BCAR3: variants seen among roughly 807,000 people sequenced by gnomAD.
The protein encoded by BCAR3 is breast cancer anti-estrogen resistance protein 3.
BCAR3 carries 37 observed loss-of-function variants against 80.1 expected under a neutral mutation model. The observed-to-expected ratio is 0.46, with a 90% confidence interval of 0.36 to 0.61. The LOEUF (loss-of-function observed/expected upper bound fraction) is 0.61, where lower values mean the gene tolerates loss of function less well. Ranked by LOEUF, BCAR3 falls within the 20% of genes least tolerant of loss-of-function variation. The pLI is 0.00. For missense variants in BCAR3, 978 were observed against 1,068.2 expected (o/e 0.92, Z 1.18); for synonymous variants, 389 against 418.9 (o/e 0.93, Z 0.87).
intron 2 of BCAR3, among the ~76,000 whole-genome samples, chr1:93,786,192 C>CAAAAAAAAAAAAAAAAAAAA (rs61644309): frequency 4.3e-5 from 1 of 23,248 alleles, no homozygotes; most frequent in Non-Finnish European, 7.1e-5. Flanking sequence ...GACTCCGTCT[C>CAAAAAAAAAAAAAAAAAAAA]AAAAAAAAAA....
At chr1:93,759,365 G>A (rs1470286862) in intron 2 of BCAR3, among the ~76,000 whole-genome samples, 2 of 152,182 alleles carry the variant, frequency 1.3e-5, no homozygotes, top group Non-Finnish European at 2.9e-5. Flanking sequence ...AAGGGTAACT[G>A]CAGCACCACA....
At chr1:93,765,598 C>T (rs1432015606) in intron 2 of BCAR3, among the ~76,000 whole-genome samples, 3 of 152,228 alleles carry the variant, frequency 2.0e-5, no homozygotes, top group South Asian at 2.1e-4. Context: ...TTTCCTCCCA[C>T]TCCCTTTATT....
intron 2 of BCAR3, among the ~76,000 whole-genome samples, chr1:93,832,546 C>T (rs972552706): frequency 1.3e-5 from 2 of 152,168 alleles, no homozygotes; most frequent in Non-Finnish European, 2.9e-5. Context: ...ACTGCCCAAT[C>T]ACCTCGGAAG....
At position 93,823,067 on chromosome 1, in the gene BCAR3, G is replaced by C. The variant is rs901591270; in HGVS notation, c.-63+22500C>G. On this transcript the variant is annotated intron_variant, in intron 2 of 13. Coordinates refer to the BCAR3 transcript ENST00000370244. The stretch of plus-strand genomic sequence containing the variant: ...AGGGAGGAGTGTCTCTCCTCCTGCT[G>C]AGTGCTGTGGTATCTGGATGCAGTA... Among the ~76,000 whole-genome samples, 4 of 133,190 alleles carry C rather than the reference G, an allele frequency of 3.0e-5. 1 individual carries two copies. The highest frequency in any genetic ancestry group is 1.0e-4 in the African/African-American group (4 of 39,642). 87.4% of individuals were successfully genotyped at this position (133,190 alleles called of 152,430 possible). A position where few individuals can be genotyped will look rare whatever the true frequency, so the allele number is the denominator to read the frequency against.
At chr1:93,678,298 A>C (rs918763694) in intron 1 of BCAR3, among the ~76,000 whole-genome samples, 5 of 152,242 alleles carry the variant, frequency 3.3e-5, no homozygotes, top group African/African-American at 1.2e-4. Flanking sequence ...ATGATGATGA[A>C]GGAGTATCAT....
chr1:93,573,624 A>T (rs1220099371), intron 8 of BCAR3, among the ~76,000 whole-genome samples: 18,394 of 135,108 alleles, frequency 0.14, 1,714 homozygotes, highest in Non-Finnish European at 0.17. Context: ...TATTATTATT[A>T]TTATTATTAT....
Position 93,600,665 on chromosome 1 carries a change from G to A in BCAR3, c.358-8272C>T, listed in dbSNP as rs1213109175. 2.0e-5 allele frequency: 3 copies of A among 152,164 alleles called. No homozygotes were observed. The East Asian group carries it at 5.8e-4, about 29-fold the overall frequency. 9.4% of individuals were successfully genotyped at this position (152,164 alleles called of 1,614,324 possible). On this transcript the variant is annotated intron_variant, in intron 3 of 11. Transcript: ENST00000260502. ...ACATGTTCTGACGCAGGGTCCAATTGCAGGAACCTTCCATGGCTCCCTGAA... is the reference window on the plus strand; with the variant it reads ...ACATGTTCTGACGCAGGGTCCAATTACAGGAACCTTCCATGGCTCCCTGAA...
chr1:93,708,790 T>C (rs1649912610), intron 2 of BCAR3, among the ~76,000 whole-genome samples: 1 of 152,194 alleles, frequency 6.6e-6, no homozygotes, highest in African/African-American at 2.4e-5. Flanking sequence ...TGCTTCTTTC[T>C]TTCCAAAGAA....
intron 2 of BCAR3, among the ~76,000 whole-genome samples, chr1:93,667,375 G>C (rs1647977431): frequency 6.6e-6 from 1 of 152,210 alleles, no homozygotes; most frequent in African/African-American, 2.4e-5. Flanking sequence ...TTCATATTTA[G>C]TGAGCAGTTA....
intron 3 of BCAR3, among the ~76,000 whole-genome samples, chr1:93,693,044 AG>A (rs1168404168): frequency 2.0e-5 from 3 of 152,148 alleles, no homozygotes; most frequent in Non-Finnish European, 4.4e-5. Flanking sequence ...GCTGTGGAGC[AG>A]CTGCCTCTCC....
At chr1:93,631,107 A>T (rs1241021502) in intron 3 of BCAR3, among the ~76,000 whole-genome samples, 1 of 152,226 alleles carries the variant, frequency 6.6e-6, no homozygotes, top group Non-Finnish European at 1.5e-5. Context: ...GGTTGCAGGG[A>T]GGAGCCTGCC....
chr1:93,571,753 T>C lies in BCAR3; in HGVS notation c.1891A>G (p.Ile631Val). ...TCCTTCAGTTCCACCGCCACCTGGA[T>C]GATCTTACTCAGAGTGGCCGCTCGG... ...EDRAATLSKI[I>V]QVAVELKDSM... The change falls in exon 9 of 12, where the codon ATC (isoleucine) becomes GTC (valine). Residue 631 changes from isoleucine (I) to valine (V), a missense_variant. By Grantham distance (29) the Ile-to-Val change is conservative. Transcript: ENST00000260502. The C allele has an allele frequency of 6.2e-7, 1 of 1,614,144 alleles. No individual in the cohort carries two copies. Among genetic ancestry groups the C allele is most frequent in the Non-Finnish European group, 8.5e-7 (1 of 1,180,010 alleles).
chr1:93,804,693 C>T (rs116317076), intron 2 of BCAR3, among the ~76,000 whole-genome samples: 1,663 of 152,256 alleles, frequency 0.011, 34 homozygotes, highest in African/African-American at 0.039. Flanking sequence ...TGGAATTTTC[C>T]ACTTAATATT....
chr1:93,740,629 C>A (rs1450379561), intron 2 of BCAR3, among the ~76,000 whole-genome samples: 1 of 152,140 alleles, frequency 6.6e-6, no homozygotes, highest in African/African-American at 2.4e-5. Context: ...CACATGCTGG[C>A]CCCTGCTCCT....
intron 2 of BCAR3, among the ~76,000 whole-genome samples, chr1:93,649,698 T>C (rs1397942510): frequency 6.6e-6 from 1 of 152,086 alleles, no homozygotes; most frequent in Non-Finnish European, 1.5e-5. Flanking sequence ...TCTGACTATA[T>C]TGCCTTTTGT....
chr1:93,777,422 CCT>C (rs1297923063), intron 2 of BCAR3, among the ~76,000 whole-genome samples: 1 of 127,076 alleles, frequency 7.9e-6, no homozygotes, highest in Non-Finnish European at 1.7e-5. Flanking sequence ...TCTTCCTCCT[CCT>C]CTTCCTCCTC....
At chr1:93,615,070 A>C (rs1675070520) in intron 3 of BCAR3, among the ~76,000 whole-genome samples, 3 of 141,012 alleles carry the variant, frequency 2.1e-5, no homozygotes, top group African/African-American at 8.2e-5. Context: ...CTCCTATCCT[A>C]CCGCTCCAAA....
At position 93,689,401 on chromosome 1, in the gene BCAR3, C is replaced by T. The variant is rs140700487; in HGVS notation, c.-11-14460G>A. Among the ~76,000 whole-genome samples, 4 of 151,990 alleles carry T rather than the reference C, an allele frequency of 2.6e-5. No homozygotes were observed. The Middle Eastern group carries it at 0.014, about 517-fold the overall frequency. Reference sequence around the variant, plus strand: ...TAAAAATTAGCCGGGTGTGGTGGCACGCGTCTGTAGTCCCAGCTACTCAGG... The same window carrying T: ...TAAAAATTAGCCGGGTGTGGTGGCATGCGTCTGTAGTCCCAGCTACTCAGG... On this transcript the variant is annotated intron_variant, in intron 3 of 13. Coordinates refer to the BCAR3 transcript ENST00000370244.
chr1:93,584,662 C>G (rs548878888), intron 5 of BCAR3, among the ~76,000 whole-genome samples: 28 of 152,346 alleles, frequency 1.8e-4, no homozygotes, highest in African/African-American at 6.5e-4. Flanking sequence ...CCTGGCTGCT[C>G]TCGGGGGACC....
Sources: gnomAD v4.1 joint callset for allele counts (sites outside exome capture counted in the v4.1 genomes callset) on GRCh38, gnomAD v4.1.1 for gene constraint, MANE v1.5 for transcripts, NCBI Gene and HGNC (gene_info 2026-07-23, HGNC 2026-07-21) for gene names.